GALNT17: variants seen among roughly 807,000 people sequenced by gnomAD.
GALNT17 encodes polypeptide N-acetylgalactosaminyltransferase 17.
In GALNT17, 29 loss-of-function variants were observed where a neutral mutation model predicts 63.7. The observed-to-expected ratio is 0.46, with a 90% CI of 0.34 to 0.62. GALNT17 has a LOEUF of 0.62. GALNT17 is among the 20% of genes least tolerant of loss of function. The pLI is 0.01. For synonymous variants in GALNT17, 305 were observed against 318.3 expected, an observed-to-expected ratio of 0.96 and a Z score of 0.45; for missense variants, 603 against 799.6, an observed-to-expected ratio of 0.75 and a Z score of 2.97.
At chr7:71,371,212 C>A (rs1489130889) in intron 2 of GALNT17, among the ~76,000 whole-genome samples, 2 of 152,080 alleles carry the variant, frequency 1.3e-5, no homozygotes, top group African/African-American at 4.8e-5. Context: ...TTGCAGTTCC[C>A]TTTGATTTTG....
intron 1 of GALNT17, among the ~76,000 whole-genome samples, chr7:71,203,217 C>A (rs1223814061): frequency 1.3e-5 from 2 of 152,144 alleles, no homozygotes; most frequent in African/African-American, 4.8e-5. Flanking sequence ...TTTTGAGGAG[C>A]CTCCATACTG....
intron 5 of GALNT17, among the ~76,000 whole-genome samples, chr7:71,507,780 G>A (rs1451904563): frequency 6.6e-6 from 1 of 152,132 alleles, no homozygotes; most frequent in Non-Finnish European, 1.5e-5. Flanking sequence ...GGAACTGGGA[G>A]GTGTTTGCAT....
intron 5 of GALNT17, among the ~76,000 whole-genome samples, chr7:71,564,028 A>ATG (rs1789297548): frequency 6.6e-6 from 1 of 152,034 alleles, no homozygotes; most frequent in Non-Finnish European, 1.5e-5. Context: ...CCAGGGTGAT[A>ATG]TGTCCTTTCA....
intron 5 of GALNT17, among the ~76,000 whole-genome samples, chr7:71,509,113 G>A (rs1449942732): frequency 6.6e-6 from 1 of 152,176 alleles, no homozygotes; most frequent in Admixed American, 6.5e-5. Flanking sequence ...ACATTCAGTA[G>A]AATCCGTACT....
intron 1 of GALNT17, among the ~76,000 whole-genome samples, chr7:71,184,156 T>A (rs570391425): frequency 2.0e-5 from 3 of 152,152 alleles, no homozygotes; most frequent in Non-Finnish European, 2.9e-5. Context: ...GGCGGCCATC[T>A]ACAAACCAAG....
intron 6 of GALNT17, among the ~76,000 whole-genome samples, chr7:71,662,872 T>C (rs1790929849): frequency 2.0e-5 from 3 of 152,254 alleles, no homozygotes; most frequent in African/African-American, 4.8e-5. Flanking sequence ...CGTTGATCCA[T>C]TTTGAGTTAA....
chr7:71,238,380 G>A (rs1789934911), intron 1 of GALNT17, among the ~76,000 whole-genome samples: 1 of 152,128 alleles, frequency 6.6e-6, no homozygotes, highest in African/African-American at 2.4e-5. Flanking sequence ...TATTTAGAGA[G>A]ACATGGTCTC....
rs575562381 is a variant in GALNT17 at position 71,260,801 on chromosome 7, A to T, written c.239-74749A>T. Among the ~76,000 whole-genome samples the T allele has an allele frequency of 2.0e-5, 3 of 151,994 alleles. No individual in the cohort carries two copies. In the South Asian group the frequency reaches 6.3e-4, roughly 32 times the overall value. ...TTTATTTTGTAGAGATGGAAGTCTC[A>T]CTATGTTGCCCAGGCTGGCCTCGAA... On this transcript the variant is annotated intron_variant, in intron 1 of 10. Transcript: ENST00000333538.
intron 6 of GALNT17, among the ~76,000 whole-genome samples, chr7:71,607,682 G>A (rs560228235): frequency 6.6e-6 from 1 of 152,208 alleles, no homozygotes; most frequent in African/African-American, 2.4e-5. Flanking sequence ...ACCTGCCAGG[G>A]TTGTAAGACA....
chr7:71,673,579 C>G (rs1791103269), intron 8 of GALNT17, among the ~76,000 whole-genome samples: 2 of 152,116 alleles, frequency 1.3e-5, no homozygotes, highest in South Asian at 4.1e-4. Context: ...TCACTAATGT[C>G]AGGTGATACT....
chr7:71,282,624 G>C (rs1790797488), intron 1 of GALNT17, among the ~76,000 whole-genome samples: 1 of 152,066 alleles, frequency 6.6e-6, no homozygotes, highest in Admixed American at 6.5e-5. Context: ...GTGCAGATGG[G>C]TTGAGGGCTG....
At chr7:71,346,903 T>C (rs1279577539) in intron 2 of GALNT17, among the ~76,000 whole-genome samples, 1 of 152,112 alleles carries the variant, frequency 6.6e-6, no homozygotes, top group Non-Finnish European at 1.5e-5. Context: ...TGTAGTGTAA[T>C]ACAGTTGAAA....
chr7:71,432,674 A>G (rs951671380), intron 5 of GALNT17, among the ~76,000 whole-genome samples: 2 of 152,122 alleles, frequency 1.3e-5, no homozygotes, highest in South Asian at 4.1e-4. Flanking sequence ...GCATTAAAAA[A>G]CAGAAGAAAG....
chr7:71,260,110 A>T (rs1790359747), intron 1 of GALNT17, among the ~76,000 whole-genome samples: 1 of 152,150 alleles, frequency 6.6e-6, no homozygotes, highest in Admixed American at 6.5e-5. Context: ...CTGGACTTGC[A>T]ATAGAAGTTG....
rs554867739 is a variant in GALNT17 at position 71,160,468 on chromosome 7, T to C, written c.238+27428T>C. Among the ~76,000 whole-genome samples, 138 of 152,314 alleles carry C rather than the reference T, an allele frequency of 9.1e-4. 1 individual carries two copies. The highest frequency in any genetic ancestry group is 3.2e-3 in the African/African-American group (131 of 41,572). On this transcript the variant is annotated intron_variant, in intron 1 of 10. Coordinates refer to ENST00000333538, the MANE Select transcript of GALNT17 (RefSeq NM_022479.3). ...TATAAACAATGGTGTGATGAACATT[T>C]TTTTTTTGAGACTGAGTTTCGCTCT...
At chr7:71,414,568 T>C (rs924362154) in intron 3 of GALNT17, among the ~76,000 whole-genome samples, 2 of 152,164 alleles carry the variant, frequency 1.3e-5, no homozygotes, top group African/African-American at 4.8e-5. Context: ...ATATCTTCCC[T>C]GAAGTCTCGC....
At chr7:71,237,027 C>T (rs898716915) in intron 1 of GALNT17, among the ~76,000 whole-genome samples, 5 of 152,136 alleles carry the variant, frequency 3.3e-5, no homozygotes, top group Admixed American at 3.3e-4. Flanking sequence ...CAGGGAATCT[C>T]GTGGCTCCCT....
intron 1 of GALNT17, among the ~76,000 whole-genome samples, chr7:71,225,645 C>A (rs1166403253): frequency 2.0e-5 from 3 of 152,148 alleles, no homozygotes; most frequent in African/African-American, 7.2e-5. Flanking sequence ...TGTCGTTTGA[C>A]TAAGAAATTG....
At chr7:71,458,697 ATGGAGTGGGAAGAGGATCTTCCCC>A (rs1172761758) in intron 5 of GALNT17, among the ~76,000 whole-genome samples, 2 of 152,076 alleles carry the variant, frequency 1.3e-5, no homozygotes, top group Non-Finnish European at 2.9e-5. Flanking sequence ...TGGAAAGGTG[ATGGAGTGGGAAGAGGATCTTCCCC>A]TGGAGTTTGG....
Sources: allele counts gnomAD v4.1 joint callset (sites outside exome capture counted in the v4.1 genomes callset), GRCh38; gene constraint gnomAD v4.1.1; transcripts MANE v1.5; gene names NCBI Gene and HGNC (gene_info 2026-07-23, HGNC 2026-07-21).